RUNX1T1: variants seen among roughly 807,000 people sequenced by gnomAD.
The protein encoded by RUNX1T1 is protein CBFA2T1.
A neutral mutation model predicts 62.8 loss-of-function variants in RUNX1T1; 4 were observed. That is an observed-to-expected ratio of 0.06 (90% CI 0.03 to 0.15). The LOEUF (loss-of-function observed/expected upper bound fraction) is 0.15, where lower values mean the gene tolerates loss of function less well. Among genes scored for constraint, RUNX1T1 ranks in the 10% least tolerant of loss-of-function variants. The pLI is 1.00. For synonymous variants in RUNX1T1, 291 were observed against 286.0 expected, an observed-to-expected ratio of 1.02 and a Z score of -0.18; for missense variants, 508 against 754.3, an observed-to-expected ratio of 0.67 and a Z score of 3.82.
At chr8:91,994,703 C>G (rs895149381) in intron 5 of RUNX1T1, 2 of 438,212 alleles carry the variant, frequency 4.6e-6, no homozygotes, top group Non-Finnish European at 9.1e-6. Flanking sequence ...CAATGAAGAA[C>G]TTTTCCCCAA....
intron 8 of RUNX1T1, among the ~76,000 whole-genome samples, chr8:91,978,549 G>A (rs1814492274): frequency 6.6e-6 from 1 of 152,176 alleles, no homozygotes; most frequent in South Asian, 2.1e-4. Flanking sequence ...CATTGAAGAA[G>A]TTTGGATTAA....
chr8:91,976,976 AT>A (rs1255635654), intron 8 of RUNX1T1, among the ~76,000 whole-genome samples: 1 of 152,190 alleles, frequency 6.6e-6, no homozygotes, highest in Non-Finnish European at 1.5e-5. Context: ...AGTAGCATAT[AT>A]TTTTAAATGC....
intron 1 of RUNX1T1, among the ~76,000 whole-genome samples, chr8:92,044,413 G>C (rs1208274262): frequency 3.9e-5 from 6 of 152,172 alleles, no homozygotes; most frequent in Non-Finnish European, 5.9e-5. Context: ...TCCAGACTTG[G>C]AGGTGCATCT....
At chr8:91,976,904 A>C (rs553846439) in intron 8 of RUNX1T1, among the ~76,000 whole-genome samples, 1 of 152,318 alleles carries the variant, frequency 6.6e-6, no homozygotes, top group African/African-American at 2.4e-5. Flanking sequence ...AAACTTAATT[A>C]ATAAGCCCAT....
chr8:92,007,932 C>A (rs536573931), intron 4 of RUNX1T1, among the ~76,000 whole-genome samples: 48 of 140,500 alleles, frequency 3.4e-4, no homozygotes, highest in African/African-American at 1.2e-3. Flanking sequence ...CGTGCCACTG[C>A]ACTCCAGCCT....
At chr8:92,073,662 AG>A (rs1035622521) in intron 2 of RUNX1T1, among the ~76,000 whole-genome samples, 10 of 152,152 alleles carry the variant, frequency 6.6e-5, no homozygotes, top group Admixed American at 4.6e-4. Flanking sequence ...TATTACAAAG[AG>A]GAAAAAAAAA....
At chr8:92,011,366 G>T (rs368386953) in intron 3 of RUNX1T1, among the ~76,000 whole-genome samples, 53 of 152,284 alleles carry the variant, frequency 3.5e-4, no homozygotes, top group African/African-American at 1.1e-3. Flanking sequence ...TTAATTATCA[G>T]AGAAGTCTTT....
rs144159835 is a variant in RUNX1T1 at position 92,037,861 on chromosome 8, A to G, written c.8-20498T>C. ...TATGGAATGTCTATTTATGAAAACA[A>G]TAAATATTTTTTAAGACTTACTATT... On this transcript the variant is annotated intron_variant, in intron 1 of 10. Transcript: ENST00000396218. Among the ~76,000 whole-genome samples, 1,122 of 152,196 alleles carry G rather than the reference A, an allele frequency of 7.4e-3. 7 individuals carry two copies. Among genetic ancestry groups the G allele is most frequent in the Middle Eastern group, 0.034 (10 of 294 alleles).
At chr8:91,968,239 G>T (rs1380422425) in intron 10 of RUNX1T1, among the ~76,000 whole-genome samples, 11 of 152,038 alleles carry the variant, frequency 7.2e-5, no homozygotes, top group Admixed American at 7.2e-4. Flanking sequence ...TAAGAGGTGG[G>T]ACCATTCAAC....
At chr8:92,098,436 T>A (rs1476773221) in intron 1 of RUNX1T1, among the ~76,000 whole-genome samples, 1 of 152,242 alleles carries the variant, frequency 6.6e-6, no homozygotes, top group Non-Finnish European at 1.5e-5. Context: ...TTCATCTGCA[T>A]TTCAGAATAT....
chr8:92,060,551 A>ATGTGTGTGTG (rs1239294685), intron 1 of RUNX1T1, among the ~76,000 whole-genome samples: 28 of 95,322 alleles, frequency 2.9e-4, no homozygotes, highest in African/African-American at 1.0e-3. Context: ...ATATATATAT[A>ATGTGTGTGTG]TATGTGTGTG....
intron 4 of RUNX1T1, among the ~76,000 whole-genome samples, chr8:92,007,874 G>T (rs1204445239): frequency 6.7e-6 from 1 of 150,168 alleles, no homozygotes; most frequent in East Asian, 2.0e-4. Context: ...AGGCTAAAGT[G>T]AGAGGACTGT....
intron 1 of RUNX1T1, among the ~76,000 whole-genome samples, chr8:92,056,075 C>T (rs1001586831): frequency 1.2e-4 from 18 of 152,186 alleles, no homozygotes; most frequent in African/African-American, 4.3e-4. Flanking sequence ...CCTCAGGACC[C>T]TCAAATTTTA....
At chr8:91,958,713 TAAA>T (rs1255746007), downstream of RUNX1T1, 1 of 152,386 alleles carries the variant, frequency 6.6e-6, no homozygotes, top group Non-Finnish European at 1.3e-5. Flanking sequence ...CTAGCATATT[TAAA>T]AAGAATTTGC....
chr8:92,070,053 T>C (rs1833452127), intron 2 of RUNX1T1, among the ~76,000 whole-genome samples: 1 of 152,218 alleles, frequency 6.6e-6, no homozygotes, highest in South Asian at 2.1e-4. Context: ...AGTCCACACT[T>C]ACTGAGCACC....
At chr8:91,968,193 C>G (rs904666707) in intron 10 of RUNX1T1, among the ~76,000 whole-genome samples, 3 of 152,040 alleles carry the variant, frequency 2.0e-5, no homozygotes, top group Non-Finnish European at 4.4e-5. Flanking sequence ...GCTGTGCTAG[C>G]AGAAGACGAT....
intron 10 of RUNX1T1, among the ~76,000 whole-genome samples, chr8:91,961,277 T>G (rs1020688027): frequency 6.6e-6 from 1 of 152,226 alleles, no homozygotes; most frequent in Admixed American, 6.5e-5. Context: ...GACTACGCCT[T>G]ATTTGGCTTT....
intron 1 of RUNX1T1, among the ~76,000 whole-genome samples, chr8:92,092,553 G>C (rs1586005465): frequency 6.6e-6 from 1 of 152,152 alleles, no homozygotes; most frequent in East Asian, 1.9e-4. Flanking sequence ...GGAATGCTCA[G>C]TATGCAAGAA....
exon 1 of RUNX1T1, chr8:92,062,915 C>T: frequency 6.1e-6 from 8 of 1,308,022 alleles, no homozygotes; most frequent in Non-Finnish European, 6.9e-6. Context: ...CACCAAAAAG[C>T]AAAAAGTGAA....
Sources: allele counts gnomAD v4.1 joint callset (sites outside exome capture counted in the v4.1 genomes callset), GRCh38; gene constraint gnomAD v4.1.1; transcripts MANE v1.5; gene names NCBI Gene and HGNC (gene_info 2026-07-23, HGNC 2026-07-21).